Variants in ANGPT1 observed in about 807,000 individuals in gnomAD.
The protein encoded by ANGPT1 is angiopoietin-1.
A neutral mutation model predicts 62.2 loss-of-function variants in ANGPT1; 17 were observed. The observed-to-expected ratio is 0.27, with a 90% CI of 0.19 to 0.41. ANGPT1 has a LOEUF of 0.41. Among genes scored for constraint, ANGPT1 ranks in the 10% least tolerant of loss-of-function variants. The probability of loss-of-function intolerance (pLI) is 1.00; values close to 1 mark genes in which losing one functional copy is unlikely to be tolerated. For synonymous variants in ANGPT1, 199 were observed against 198.9 expected (o/e 1.00, Z 0.00); for missense variants, 478 against 594.9 (o/e 0.80, Z 2.04).
chr8:107,393,118 T>G (rs529934572), intron 1 of ANGPT1, among the ~76,000 whole-genome samples: 30 of 152,190 alleles, frequency 2.0e-4, no homozygotes, highest in African/African-American at 6.8e-4. Context: ...TTCACACCAA[T>G]CATGTTACTT....
chr8:107,317,234 C>A (rs116164176), intron 4 of ANGPT1, among the ~76,000 whole-genome samples: 2 of 152,190 alleles, frequency 1.3e-5, no homozygotes, highest in African/African-American at 2.4e-5. Flanking sequence ...TGAAATACAT[C>A]TTTTCTTCTT....
At chr8:107,383,025 C>T (rs567984696) in intron 1 of ANGPT1, among the ~76,000 whole-genome samples, 3 of 152,248 alleles carry the variant, frequency 2.0e-5, no homozygotes, top group South Asian at 2.1e-4. Flanking sequence ...CCTTATTGTA[C>T]TTACCTCCTC....
At chr8:107,359,946 G>C (rs554018174) in intron 1 of ANGPT1, among the ~76,000 whole-genome samples, 1 of 152,202 alleles carries the variant, frequency 6.6e-6, no homozygotes, top group East Asian at 1.9e-4. Flanking sequence ...AAATGTGCTT[G>C]GAATGCATTC....
In ANGPT1 at chr8:107,497,618, CTAAAA is replaced by C; in HGVS notation, c.-65_-61del. 6.6e-7 allele frequency: 1 copy of C among 1,510,554 alleles called. No homozygotes were observed. 93.6% of individuals were successfully genotyped at this position (1,510,554 alleles called of 1,614,324 possible). A position where few individuals can be genotyped will look rare whatever the true frequency, so the allele number is the denominator to read the frequency against. The stretch of plus-strand genomic sequence containing the variant: ...AAAACTTGCTCCTTTCTTCTGACCT[CTAAAA>C]CTAGTTCTTTATTTCAGGTAAAACT... On this transcript the variant is annotated 5_prime_UTR_variant, in exon 1 of 9. Coordinates refer to ENST00000517746, the MANE Select transcript of ANGPT1 (RefSeq NM_001146.5).
chr8:107,468,556 A>G (rs937546455), intron 1 of ANGPT1, among the ~76,000 whole-genome samples: 1 of 152,090 alleles, frequency 6.6e-6, no homozygotes, highest in Non-Finnish European at 1.5e-5. Flanking sequence ...TAATAGCCAG[A>G]TTAATAACAG....
At position 107,297,104 on chromosome 8, in the gene ANGPT1, C is replaced by T. The variant is rs536322970; in HGVS notation, c.937-3067G>A. Among the ~76,000 whole-genome samples the T allele has an allele frequency of 5.9e-5, 9 of 152,100 alleles. No individual in the cohort carries two copies. In the East Asian group the frequency reaches 1.5e-3, roughly 26 times the overall value. The stretch of plus-strand genomic sequence containing the variant: ...TAAATGTTCAGATGTGCTGAGAATG[C>T]TTCTTAAATAAAGACCTAGAGGAAA... On this transcript the variant is annotated intron_variant, in intron 5 of 8. Coordinates refer to ENST00000517746, the MANE Select transcript of ANGPT1 (RefSeq NM_001146.5).
chr8:107,392,474 G>C (rs1383417151), intron 1 of ANGPT1, among the ~76,000 whole-genome samples: 2 of 151,886 alleles, frequency 1.3e-5, no homozygotes, highest in African/African-American at 2.4e-5. Flanking sequence ...TCATCCATTG[G>C]GGTTACAGAT....
At chr8:107,338,500 T>A (rs915095001) in intron 2 of ANGPT1, among the ~76,000 whole-genome samples, 4 of 152,176 alleles carry the variant, frequency 2.6e-5, no homozygotes, top group African/African-American at 9.7e-5. Flanking sequence ...GATGGAGCAT[T>A]TATACTCTAA....
chr8:107,302,609 T>C (rs534767513), intron 5 of ANGPT1, among the ~76,000 whole-genome samples: 12 of 152,068 alleles, frequency 7.9e-5, no homozygotes, highest in African/African-American at 2.9e-4. Context: ...AGATGGATGA[T>C]TTAATGAATA....
At chr8:107,266,477 T>C (rs549133352) in intron 7 of ANGPT1, among the ~76,000 whole-genome samples, 1 of 152,298 alleles carries the variant, frequency 6.6e-6, no homozygotes, top group South Asian at 2.1e-4. Flanking sequence ...AAGTTACTTG[T>C]TTGGTGAAGA....
At chr8:107,285,272 TACTATTATTATTC>T (rs1430487625) in intron 6 of ANGPT1, among the ~76,000 whole-genome samples, 1 of 152,188 alleles carries the variant, frequency 6.6e-6, no homozygotes, top group Non-Finnish European at 1.5e-5. Context: ...ATATTATTTT[TACTATTATTATTC>T]ACAAATGCAA....
intron 1 of ANGPT1, among the ~76,000 whole-genome samples, chr8:107,476,796 C>T (rs1350393466): frequency 1.3e-5 from 2 of 152,126 alleles, no homozygotes; most frequent in Non-Finnish European, 2.9e-5. Context: ...GCAAAGCACT[C>T]TTGTGATGAC....
chr8:107,432,663 CA>C (rs35833239), intron 1 of ANGPT1, among the ~76,000 whole-genome samples: 17,764 of 86,254 alleles, frequency 0.21, 1,188 homozygotes, highest in East Asian at 0.51. Flanking sequence ...GACTCCATCT[CA>C]AAAAAAAAAA....
intron 5 of ANGPT1, among the ~76,000 whole-genome samples, chr8:107,302,006 G>A (rs1814603052): frequency 6.6e-6 from 1 of 151,922 alleles, no homozygotes; most frequent in African/African-American, 2.4e-5. Context: ...GGAAGACTAA[G>A]TAAGTTAGAC....
At chr8:107,279,627 G>A (rs1813950033) in intron 7 of ANGPT1, among the ~76,000 whole-genome samples, 1 of 152,090 alleles carries the variant, frequency 6.6e-6, no homozygotes. Context: ...TAGTATGTGT[G>A]CCTCAAATAT....
At chr8:107,334,886 T>C (rs2514888) in intron 3 of ANGPT1, among the ~76,000 whole-genome samples, 11,861 of 152,240 alleles carry the variant, frequency 0.078, 489 homozygotes, top group East Asian at 0.15. Context: ...TCAAGTTTAT[T>C]TGTAGTTATA....
chr8:107,310,937 G>GTA (rs1491104238), intron 4 of ANGPT1, among the ~76,000 whole-genome samples: 1 of 95,308 alleles, frequency 1.0e-5, no homozygotes, highest in East Asian at 6.1e-4. Context: ...GTTAGTGTGA[G>GTA]TGTGTGTGTG....
chr8:107,438,677 C>T (rs189453083), intron 1 of ANGPT1, among the ~76,000 whole-genome samples: 94 of 151,978 alleles, frequency 6.2e-4, no homozygotes, highest in Non-Finnish European at 1.2e-3. Context: ...TGGTTATCAC[C>T]AAAATTATCT....
chr8:107,301,243 T>A (rs990796836), intron 5 of ANGPT1, among the ~76,000 whole-genome samples: 17 of 151,938 alleles, frequency 1.1e-4, no homozygotes, highest in African/African-American at 4.1e-4. Flanking sequence ...TCACTATGAG[T>A]CTAAATGGAA....
Sources: gnomAD v4.1 joint callset for allele counts (sites outside exome capture counted in the v4.1 genomes callset) on GRCh38, gnomAD v4.1.1 for gene constraint, MANE v1.5 for transcripts, NCBI Gene and HGNC (gene_info 2026-07-23, HGNC 2026-07-21) for gene names.